Variants in MLIP observed in about 807,000 individuals in gnomAD.
The protein encoded by MLIP is muscular LMNA interacting protein.
In MLIP, 79 loss-of-function variants were observed where a neutral mutation model predicts 84.8. The observed-to-expected ratio is 0.93, with a 90% CI of 0.78 to 1.12. The LOEUF is 1.12. Among genes scored for constraint, MLIP ranks in the 50% most tolerant of loss-of-function variants. MLIP has a pLI of 0.00. For missense variants in MLIP, 1,257 were observed against 1,160.6 expected (o/e 1.08, Z -1.21); for synonymous variants, 504 against 463.0 (o/e 1.09, Z -1.14).
intron 12 of MLIP, among the ~76,000 whole-genome samples, chr6:54,243,436 T>C (rs1781870686): frequency 6.6e-6 from 1 of 152,124 alleles, no homozygotes; most frequent in African/African-American, 2.4e-5. Flanking sequence ...TTCCTGAACA[T>C]AATGAGTTAT....
chr6:54,166,847 C>G (rs892940704), intron 8 of MLIP, among the ~76,000 whole-genome samples: 1 of 151,916 alleles, frequency 6.6e-6, no homozygotes, highest in Non-Finnish European at 1.5e-5. Context: ...ATGTCTTATC[C>G]TCAATATGCA....
At chr6:54,154,202 G>T (rs1773775883) in intron 5 of MLIP, among the ~76,000 whole-genome samples, 2 of 151,984 alleles carry the variant, frequency 1.3e-5, no homozygotes, top group East Asian at 1.9e-4. Context: ...GGCCAGATAG[G>T]TCTCTAAAAT....
At chr6:54,197,195 A>T (rs1778358216) in intron 10 of MLIP, among the ~76,000 whole-genome samples, 1 of 152,020 alleles carries the variant, frequency 6.6e-6, no homozygotes. Flanking sequence ...TTTGAACTTT[A>T]CTCTCAGTAA....
intron 3 of MLIP, among the ~76,000 whole-genome samples, chr6:54,129,824 A>C (rs1280044278): frequency 6.6e-6 from 1 of 152,154 alleles, no homozygotes; most frequent in African/African-American, 2.4e-5. Flanking sequence ...TGACTGTGCA[A>C]GAATAGGTGA....
rs1163561456 is a variant in MLIP, at chr6:54,138,002, C to T, written c.1933C>T (p.Pro645Ser). The change falls in exon 4 of 14, where the codon CCT (proline) becomes TCT (serine). Residue 645 changes from proline to serine, a missense_variant. Transcript: ENST00000502396. The stretch of plus-strand genomic sequence containing the variant: ...GAATCCTTCAGCTCTTCCTTCACTC[C>T]CTGTCTCCAGTGCTGACTTTGCCTC... The part of the protein sequence containing the change: ...ELNPSALPSL[P>S]VSSADFASLP... 1.3e-6 allele frequency: 2 copies of T among 1,536,012 alleles called. No homozygotes were observed. Among genetic ancestry groups the T allele is most frequent in the Non-Finnish European group, 1.7e-6 (2 of 1,146,896 alleles).
At chr6:54,230,252 C>T (rs1298844876) in intron 11 of MLIP, among the ~76,000 whole-genome samples, 2 of 151,982 alleles carry the variant, frequency 1.3e-5, no homozygotes, top group East Asian at 3.9e-4. Flanking sequence ...GTACTTCTGC[C>T]CCTCCACTCA....
At chr6:54,050,751 G>A (rs947870958) in intron 1 of MLIP, among the ~76,000 whole-genome samples, 1 of 152,046 alleles carries the variant, frequency 6.6e-6, no homozygotes, top group African/African-American at 2.4e-5. Flanking sequence ...TTTGTATTCT[G>A]GCAAGCTGTA....
At chr6:54,240,498 G>A (rs185190778) in intron 12 of MLIP, among the ~76,000 whole-genome samples, 120 of 152,190 alleles carry the variant, frequency 7.9e-4, no homozygotes, top group African/African-American at 2.8e-3. Context: ...AAAAGTTGCA[G>A]TGTTATTTTG....
chr6:54,228,582 C>T (rs1780766822), intron 11 of MLIP, among the ~76,000 whole-genome samples: 1 of 98,036 alleles, frequency 1.0e-5, no homozygotes, highest in Non-Finnish European at 2.6e-5. Context: ...CAAAAGTGAA[C>T]TTAGAGGCAC....
intron 12 of MLIP, among the ~76,000 whole-genome samples, chr6:54,242,606 A>T (rs912050841): frequency 6.6e-6 from 1 of 152,152 alleles, no homozygotes; most frequent in Admixed American, 6.5e-5. Flanking sequence ...GAGAAAGGAA[A>T]ATCAGAAGTA....
At chr6:54,132,555 T>C (rs1170691438) in intron 3 of MLIP, among the ~76,000 whole-genome samples, 1 of 152,162 alleles carries the variant, frequency 6.6e-6, no homozygotes, top group African/African-American at 2.4e-5. Flanking sequence ...GGCCATCTGT[T>C]GAGCATAATG....
chr6:54,147,684 C>T (rs1773002062), intron 4 of MLIP, among the ~76,000 whole-genome samples: 1 of 151,848 alleles, frequency 6.6e-6, no homozygotes, highest in African/African-American at 2.4e-5. Flanking sequence ...TTGCTGAGTG[C>T]GTGTTTCTGA....
At chr6:54,076,624 G>A (rs1019910497) in intron 1 of MLIP, among the ~76,000 whole-genome samples, 1 of 152,216 alleles carries the variant, frequency 6.6e-6, no homozygotes, top group Admixed American at 6.5e-5. Flanking sequence ...AGGGAGAGTA[G>A]CCTAATTGCC....
intron 1 of MLIP, among the ~76,000 whole-genome samples, chr6:54,073,652 G>A (rs963887604): frequency 6.6e-6 from 1 of 152,122 alleles, no homozygotes; most frequent in Non-Finnish European, 1.5e-5. Context: ...CTGAGGTGAG[G>A]CCTGAGAATT....
chr6:54,094,005 T>C (rs1037237345), intron 1 of MLIP, among the ~76,000 whole-genome samples: 5 of 152,190 alleles, frequency 3.3e-5, no homozygotes, highest in Admixed American at 1.3e-4. Context: ...ACAGTAGCTG[T>C]TTTTAATTTT....
rs1430002636 is a variant in MLIP, at chr6:54,216,553, A to T, written c.2719-14161A>T. On this transcript the variant is annotated intron_variant, in intron 11 of 13. Coordinates refer to ENST00000502396, the MANE Select transcript of MLIP (RefSeq NM_001281747.2). Reference sequence around the variant, plus strand: ...TGCTGTCAGACAACCATACACTTTAAGCACTAAGTTATCCAAATTCTATCT... The same window carrying T: ...TGCTGTCAGACAACCATACACTTTATGCACTAAGTTATCCAAATTCTATCT... 5.1e-6 allele frequency: 5 copies of T among 983,942 alleles called. No individual in the cohort carries two copies. The African/African-American group carries it at 8.7e-5, about 17-fold the overall frequency. 61.0% of individuals were successfully genotyped at this position (983,942 alleles called of 1,614,324 possible).
intron 13 of MLIP, among the ~76,000 whole-genome samples, chr6:54,265,729 A>T (rs1752771848): frequency 6.6e-6 from 1 of 152,060 alleles, no homozygotes; most frequent in Non-Finnish European, 1.5e-5. Context: ...CTGCCAAGAG[A>T]TTGGAGTCTG....
intron 13 of MLIP, among the ~76,000 whole-genome samples, chr6:54,263,405 A>G (rs1387677674): frequency 2.0e-5 from 3 of 152,110 alleles, no homozygotes; most frequent in Non-Finnish European, 2.9e-5. Context: ...GTCAATAGTT[A>G]CATAAATGCA....
intron 1 of MLIP, among the ~76,000 whole-genome samples, chr6:54,025,431 C>T (rs993891723): frequency 2.6e-5 from 4 of 152,116 alleles, no homozygotes; most frequent in Admixed American, 2.0e-4. Context: ...AAATCTCTGG[C>T]GGTAAGGTAC....
Sources: allele counts gnomAD v4.1 joint callset (sites outside exome capture counted in the v4.1 genomes callset), GRCh38; gene constraint gnomAD v4.1.1; transcripts MANE v1.5; gene names NCBI Gene and HGNC (gene_info 2026-07-23, HGNC 2026-07-21).